The following PCDHGC3 variants were observed in gnomAD, a reference collection of about 807,000 sequenced individuals.
PCDHGC3 encodes protocadherin gamma subfamily C, 3.
A neutral mutation model predicts 59.2 loss-of-function variants in PCDHGC3; 26 were observed. That is an observed-to-expected ratio of 0.44 (90% confidence interval 0.32 to 0.61). The LOEUF (loss-of-function observed/expected upper bound fraction) is 0.61. Ranked by LOEUF, PCDHGC3 falls within the 20% of genes least tolerant of loss-of-function variation. The probability of loss-of-function intolerance (pLI) is 0.05; values close to 1 mark genes in which losing one functional copy is unlikely to be tolerated. For missense variants in PCDHGC3, 1,080 were observed against 1,221.8 expected, an observed-to-expected ratio of 0.88 and a Z score of 1.73; for synonymous variants, 487 against 519.7, an observed-to-expected ratio of 0.94 and a Z score of 0.86.
chr5:141,476,455 G>C lies in PCDHGC3; in HGVS notation c.339G>C (p.Glu113Asp), dbSNP rs572682842. The change falls in exon 1 of 4, where the codon GAG (glutamate) becomes GAC (aspartate). Residue 113 changes from glutamate to aspartate, a missense_variant. By Grantham distance (45) the Glu-to-Asp change is conservative. Transcript: ENST00000308177. The surrounding 1 kb of genome is among the most constrained non-coding windows in gnomAD (Gnocchi z 7.6). ...SCTVTLELVV[E>D]NPLELFSVEV... ...CTGTAACTCTGGAGTTGGTAGTGGA[G>C]AACCCGCTGGAGCTGTTCAGCGTGG... 22 of 1,614,152 alleles carry C rather than the reference G, an allele frequency of 1.4e-5. No homozygotes were observed. In the South Asian group the frequency reaches 2.4e-4, roughly 18 times the overall value.
Position 141,487,831 on chromosome 5 carries a change from A to G in PCDHGC3, c.2431-6976A>G, listed in dbSNP as rs1001896359. ...TTAGCATTGGGGGCGGGTCATGCCTATATCTGAGTAAGAAATGAAAGTAAT... is the reference window on the plus strand; with the variant it reads ...TTAGCATTGGGGGCGGGTCATGCCTGTATCTGAGTAAGAAATGAAAGTAAT... On this transcript the variant is annotated intron_variant, in intron 1 of 3. Transcript: ENST00000308177. This position sits in a 1 kb window ranked among gnomAD's most constrained non-coding sequence, Gnocchi z 5.0. The G allele has an allele frequency of 1.1e-5, 13 of 1,144,204 alleles. No homozygotes were observed. Among genetic ancestry groups the G allele is most frequent in the Non-Finnish European group, 1.6e-5 (13 of 818,302 alleles). 70.9% of individuals were successfully genotyped at this position (1,144,204 alleles called of 1,614,324 possible). A position where few individuals can be genotyped will look rare whatever the true frequency, so the allele number is the denominator to read the frequency against.
chr5:141,477,502 C>A lies in PCDHGC3; in HGVS notation c.1386C>A (p.Tyr462Ter), dbSNP rs2099412065. Residue 462 changes from tyrosine to a stop codon, truncating the protein, a stop_gained, in exon 1 of 4, where the codon TAC becomes TAA. Coordinates refer to ENST00000308177, the MANE Select transcript of PCDHGC3 (RefSeq NM_002588.4). LOFTEE classifies it high-confidence loss of function. This position sits in a 1 kb window ranked among gnomAD's most constrained non-coding sequence, Gnocchi z 4.9. ...DNPPQSSQSS[Y>*]DVYIEENNLP... ...CTCCACAATCTTCTCAATCTTCCTA[C>A]GACGTTTACATTGAAGAAAACAACC... The A allele has an allele frequency of 9.3e-6, 15 of 1,614,026 alleles. No homozygotes were observed. The highest frequency in any genetic ancestry group is 1.3e-5 in the Non-Finnish European group (15 of 1,180,026).
intron 2 of PCDHGC3, among the ~76,000 whole-genome samples, chr5:141,503,448 C>T (rs765046868): frequency 2.0e-5 from 3 of 151,808 alleles, no homozygotes; most frequent in South Asian, 2.1e-4. Context: ...TACAAAAATT[C>T]GCTGGGCATG....
rs1194909537 is a variant in PCDHGC3 at position 141,511,022 on chromosome 5, T to C, written c.2654T>C (p.Phe885Ser). 1 of 1,614,176 alleles carries C rather than the reference T, an allele frequency of 6.2e-7. No individual in the cohort carries two copies. The highest frequency in any genetic ancestry group is 8.5e-7 in the Non-Finnish European group (1 of 1,180,020). ...MGLSARYGPQ[F>S]TLQHVPDYRQ... ...TTGAGCGCCCGCTACGGACCCCAGT[T>C]CACCCTGCAGCACGTGCCCGACTAC... The change falls in exon 4 of 4, where the codon TTC becomes TCC. Residue 885 changes from phenylalanine (F) to serine (S), a missense_variant. Transcript: ENST00000308177.
In PCDHGC3 at chr5:141,511,098, T is replaced by G; in HGVS notation, c.2730T>G (p.Ala910=). 6.2e-7 allele frequency: 1 copy of G among 1,614,132 alleles called. No individual in the cohort carries two copies. The highest frequency in any genetic ancestry group is 8.5e-7 in the Non-Finnish European group (1 of 1,179,996). ...PGSNATLTNA[A]GKRDGKAPAG... is the part of the protein sequence containing the mutation. The stretch of plus-strand genomic sequence containing the variant: ...GCAATGCCACACTGACCAACGCAGC[T>G]GGCAAGCGGGATGGCAAGGCCCCAG... Residue 910 remains alanine, a synonymous_variant, in exon 4 of 4, where the codon GCT becomes GCG. Transcript: ENST00000308177.
In PCDHGC3 at chr5:141,490,498, T is replaced by C. The variant is rs544031284; in HGVS notation, c.2431-4309T>C. On this transcript the variant is annotated intron_variant, in intron 1 of 3. Coordinates refer to ENST00000308177, the MANE Select transcript of PCDHGC3 (RefSeq NM_002588.4). This position sits in a 1 kb window ranked among gnomAD's most constrained non-coding sequence, Gnocchi z 5.4. ...TTTGGACCGGGAGGCCACATCCCAC[T>C]ATATCATCGAGCTGCTGGCCAGCGA... 1.2e-6 allele frequency: 2 copies of C among 1,614,132 alleles called. No individual in the cohort carries two copies. Among genetic ancestry groups the C allele is most frequent in the African/African-American group, 1.3e-5 (1 of 75,038 alleles).
chr5:141,480,402 G>A (rs1268532373), intron 1 of PCDHGC3, among the ~76,000 whole-genome samples: 2 of 145,838 alleles, frequency 1.4e-5, no homozygotes, highest in African/African-American at 2.6e-5. Flanking sequence ...GCAATAGAGT[G>A]AGACCCTGTC....
chr5:141,508,241 T>G (rs1475142426), intron 3 of PCDHGC3: 2 of 152,286 alleles, frequency 1.3e-5, no homozygotes, highest in East Asian at 3.9e-4. Context: ...CTCCTAAGTC[T>G]GCCTCTCCTG....
chr5:141,510,280 A>G (rs1218058358), intron 3 of PCDHGC3, among the ~76,000 whole-genome samples: 1 of 151,892 alleles, frequency 6.6e-6, no homozygotes, highest in Non-Finnish European at 1.5e-5. Context: ...CTTAAAAAAA[A>G]AAAAAAAAAA....
intron 1 of PCDHGC3, among the ~76,000 whole-genome samples, chr5:141,483,057 C>T (rs1329609397): frequency 6.6e-6 from 1 of 152,028 alleles, no homozygotes; most frequent in African/African-American, 2.4e-5. Flanking sequence ...TGCACTCCAG[C>T]ATGGGCAACA....
At chr5:141,492,506 C>T (rs2154587372) in intron 1 of PCDHGC3, among the ~76,000 whole-genome samples, 2 of 152,318 alleles carry the variant, frequency 1.3e-5, no homozygotes, top group South Asian at 4.1e-4. Context: ...ACTCCGGAGC[C>T]TCCTCTCACC....
Position 141,486,672 on chromosome 5 carries a change from G to A in PCDHGC3, c.2430+8126G>A. The A allele has an allele frequency of 5.0e-6, 8 of 1,614,000 alleles. No homozygotes were observed. Among genetic ancestry groups the A allele is most frequent in the Non-Finnish European group, 5.9e-6 (7 of 1,180,028 alleles). On this transcript the variant is annotated intron_variant, in intron 1 of 3. Coordinates refer to ENST00000308177, the MANE Select transcript of PCDHGC3 (RefSeq NM_002588.4). This position sits in a 1 kb window ranked among gnomAD's most constrained non-coding sequence, Gnocchi z 5.0. Reference sequence around the variant, plus strand: ...TACTCACTCCTGGAGCCCAGGAATCGAGATGTATCAGCTTCCTCTTTCATC... The same window carrying A: ...TACTCACTCCTGGAGCCCAGGAATCAAGATGTATCAGCTTCCTCTTTCATC...
chr5:141,487,802 C>G lies in PCDHGC3; in HGVS notation c.2431-7005C>G. On this transcript the variant is annotated intron_variant, in intron 1 of 3. Transcript: ENST00000308177. The surrounding 1 kb of genome is among the most constrained non-coding windows in gnomAD (Gnocchi z 5.0). ...TTTCGTGAATTAACCAGAGTTGTCACAGTTTAGCATTGGGGGCGGGTCATG... is the reference window on the plus strand; with the variant it reads ...TTTCGTGAATTAACCAGAGTTGTCAGAGTTTAGCATTGGGGGCGGGTCATG... 6.8e-7 allele frequency: 1 copy of G among 1,477,424 alleles called. No homozygotes were observed. The allele number at this position is 1,477,424 out of a possible 1,614,324, so 91.5% of individuals were successfully genotyped here.
rs2099606006 is a variant in PCDHGC3, at chr5:141,485,058, G to A, written c.2430+6512G>A. Reference sequence around the variant, plus strand: ...TAACCCTTGCGGCGCCGGCCGAACCGCGCCAGAGCTGGCGCGGGGAAAGGG... The same window carrying A: ...TAACCCTTGCGGCGCCGGCCGAACCACGCCAGAGCTGGCGCGGGGAAAGGG... On this transcript the variant is annotated intron_variant, in intron 1 of 3. Coordinates refer to ENST00000308177, the MANE Select transcript of PCDHGC3 (RefSeq NM_002588.4). The surrounding 1 kb of genome is among the most constrained non-coding windows in gnomAD (Gnocchi z 5.7). 1 of 848,828 alleles carries A rather than the reference G, an allele frequency of 1.2e-6. No individual in the cohort carries two copies. The highest frequency in any genetic ancestry group is 1.9e-6 in the Non-Finnish European group (1 of 529,084). The allele number at this position is 848,828 out of a possible 1,614,324, so 52.6% of individuals were successfully genotyped here.
At position 141,491,101 on chromosome 5, in the gene PCDHGC3, G is replaced by A. The variant is rs1270788252; in HGVS notation, c.2431-3706G>A. Reference sequence around the variant, plus strand: ...GTCCACAGCCCCAGGACTGTTCCTCGTGTCTACACACACTGGTGAGGTGCG... The same window carrying A: ...GTCCACAGCCCCAGGACTGTTCCTCATGTCTACACACACTGGTGAGGTGCG... On this transcript the variant is annotated intron_variant, in intron 1 of 3. Transcript: ENST00000308177. This position sits in a 1 kb window ranked among gnomAD's most constrained non-coding sequence, Gnocchi z 6.9. The A allele has an allele frequency of 8.1e-6, 13 of 1,614,102 alleles. No individual in the cohort carries two copies. In the East Asian group the frequency reaches 1.6e-4, roughly 19 times the overall value.
chr5:141,493,679 G>C lies in PCDHGC3; in HGVS notation c.2431-1128G>C. On this transcript the variant is annotated intron_variant, in intron 1 of 3. Transcript: ENST00000308177. This position sits in a 1 kb window ranked among gnomAD's most constrained non-coding sequence, Gnocchi z 4.3. ...CCTTCTCCATGGCAGCCCCAGAATG[G>C]TGCTGGTGACTCCCGATACACCTGG... Among the ~76,000 whole-genome samples the C allele has an allele frequency of 6.6e-6, 1 of 152,198 alleles. No individual in the cohort carries two copies. Among genetic ancestry groups the C allele is most frequent in the African/African-American group, 2.4e-5 (1 of 41,446 alleles).
chr5:141,489,260 CACA>C lies in PCDHGC3; in HGVS notation c.2431-5546_2431-5544del, dbSNP rs1242559724. 1 of 1,552,022 alleles carries C rather than the reference CACA, an allele frequency of 6.4e-7. No individual in the cohort carries two copies. Among genetic ancestry groups the C allele is most frequent in the Non-Finnish European group, 8.7e-7 (1 of 1,149,038 alleles). ...TGGGTCATGGGGCCCAAGACACTCCCACAGCTCGCTGGGAAATGGCAAGTGCTG... is the reference window on the plus strand; with the variant it reads ...TGGGTCATGGGGCCCAAGACACTCCCGCTCGCTGGGAAATGGCAAGTGCTG... On this transcript the variant is annotated intron_variant, in intron 1 of 3. Coordinates refer to ENST00000308177, the MANE Select transcript of PCDHGC3 (RefSeq NM_002588.4). The surrounding 1 kb of genome is among the most constrained non-coding windows in gnomAD (Gnocchi z 4.5).
At chr5:141,509,106 A>T (rs1159119530) in intron 3 of PCDHGC3, among the ~76,000 whole-genome samples, 1 of 152,102 alleles carries the variant, frequency 6.6e-6, no homozygotes, top group Non-Finnish European at 1.5e-5. Flanking sequence ...TAGAAACCTG[A>T]GCGCTGGTGC....
chr5:141,512,702 C>T lies in PCDHGC3; in HGVS notation c.*1529C>T, dbSNP rs940927635. 2.0e-5 allele frequency: 3 copies of T among 152,828 alleles called. No homozygotes were observed. Among genetic ancestry groups the T allele is most frequent in the Non-Finnish European group, 2.9e-5 (2 of 68,560 alleles). The allele number at this position is 152,828 out of a possible 1,614,324, so 9.5% of individuals were successfully genotyped here. ...ATAGCCAGTAGTGTAGTGCGGTGTG[C>T]TTTTACGTGATGGCGGGTGGGCAGC... On this transcript the variant is annotated 3_prime_UTR_variant, in exon 4 of 4. Transcript: ENST00000308177.
Sources: allele counts gnomAD v4.1 joint callset (sites outside exome capture counted in the v4.1 genomes callset), GRCh38; gene constraint gnomAD v4.1.1; non-coding constraint Gnocchi (gnomAD v3.1); transcripts MANE v1.5; gene names NCBI Gene and HGNC (gene_info 2026-07-23, HGNC 2026-07-21).